Variants in ROBO2 observed in about 807,000 individuals in gnomAD.
ROBO2 encodes roundabout homolog 2.
Under a neutral mutation model 160.8 loss-of-function variants are expected in ROBO2, and 53 were observed. That is an observed-to-expected ratio of 0.33 (90% CI 0.26 to 0.41). The LOEUF is 0.41. Ranked by LOEUF, ROBO2 falls within the 10% of genes least tolerant of loss-of-function variation. ROBO2 has a pLI of 1.00. For missense variants in ROBO2, 1,577 were observed against 1,722.4 expected (o/e 0.92, Z 1.49); for synonymous variants, 664 against 611.7 (o/e 1.09, Z -1.26).
At chr3:76,328,607 T>C (rs887038562) in intron 2 of ROBO2, among the ~76,000 whole-genome samples, 9 of 149,000 alleles carry the variant, frequency 6.0e-5, no homozygotes, top group South Asian at 4.3e-4. Context: ...ACGCCTGTAA[T>C]CCCAGCACTT....
chr3:76,058,919 G>T (rs201071793), intron 2 of ROBO2, among the ~76,000 whole-genome samples: 1 of 149,688 alleles, frequency 6.7e-6, no homozygotes, highest in South Asian at 2.1e-4. Context: ...TTGTCTTTGC[G>T]ATAGTTTGCT....
At chr3:77,452,562 T>C (rs1309593143) in intron 2 of ROBO2, among the ~76,000 whole-genome samples, 1 of 152,014 alleles carries the variant, frequency 6.6e-6, no homozygotes, top group Non-Finnish European at 1.5e-5. Context: ...ATTCACAAAA[T>C]GGCAATATAA....
intron 2 of ROBO2, among the ~76,000 whole-genome samples, chr3:76,033,755 C>T (rs2067007539): frequency 6.6e-6 from 1 of 152,130 alleles, no homozygotes; most frequent in South Asian, 2.1e-4. Context: ...GCTAGTGGAA[C>T]CCATTGGCCT....
At chr3:77,181,882 C>T (rs1184785366) in intron 2 of ROBO2, among the ~76,000 whole-genome samples, 1 of 151,988 alleles carries the variant, frequency 6.6e-6, no homozygotes, top group East Asian at 1.9e-4. Context: ...TTCAGTCAGC[C>T]ATTACATAAG....
At chr3:77,031,661 TATATA>T (rs917635656) in intron 2 of ROBO2, among the ~76,000 whole-genome samples, 42 of 146,618 alleles carry the variant, frequency 2.9e-4, no homozygotes, top group East Asian at 1.6e-3. Flanking sequence ...AGACACATAA[TATATA>T]ATATATTAAA....
At chr3:77,594,776 A>G (rs1422878619) in intron 17 of ROBO2, among the ~76,000 whole-genome samples, 1 of 152,132 alleles carries the variant, frequency 6.6e-6, no homozygotes, top group East Asian at 1.9e-4. Context: ...TCTAATTAGG[A>G]CACCTTTGTT....
chr3:76,419,605 C>A (rs976030108), intron 2 of ROBO2, among the ~76,000 whole-genome samples: 3 of 151,990 alleles, frequency 2.0e-5, no homozygotes, highest in African/African-American at 7.2e-5. Flanking sequence ...AACTAGATTA[C>A]CCTGTGTTGC....
chr3:76,056,031 A>T (rs770086671), intron 2 of ROBO2, among the ~76,000 whole-genome samples: 1 of 152,212 alleles, frequency 6.6e-6, no homozygotes, highest in African/African-American at 2.4e-5. Context: ...CTGGTTTTGC[A>T]TCCATGGATT....
intron 2 of ROBO2, chr3:76,434,779 A>G: frequency 7.9e-7 from 1 of 1,265,650 alleles, no homozygotes. Context: ...CTGTTTGCGC[A>G]GATTAATCAG....
At chr3:76,075,009 T>A (rs890142307) in intron 2 of ROBO2, among the ~76,000 whole-genome samples, 1 of 152,168 alleles carries the variant, frequency 6.6e-6, no homozygotes, top group African/African-American at 2.4e-5. Context: ...CCATTAGGAA[T>A]GAATACGAAC....
At chr3:75,947,579 C>T (rs1267819003) in intron 2 of ROBO2, among the ~76,000 whole-genome samples, 1 of 152,094 alleles carries the variant, frequency 6.6e-6, no homozygotes, top group Non-Finnish European at 1.5e-5. Context: ...AGATGAAACC[C>T]TGTGGGGAGA....
At chr3:76,671,674 A>G (rs1182301966) in intron 2 of ROBO2, among the ~76,000 whole-genome samples, 2 of 152,190 alleles carry the variant, frequency 1.3e-5, no homozygotes, top group African/African-American at 4.8e-5. Flanking sequence ...TTATGAGAAT[A>G]TTAAAACATA....
At chr3:76,457,605 G>T (rs1272107665) in intron 2 of ROBO2, among the ~76,000 whole-genome samples, 4 of 152,188 alleles carry the variant, frequency 2.6e-5, no homozygotes, top group Non-Finnish European at 4.4e-5. Flanking sequence ...CCACTAGGCA[G>T]TGCCCCTGTA....
At chr3:77,098,405 T>A in intron 2 of ROBO2, 65 bp downstream of exon 2, 1 of 1,509,310 alleles carries the variant, frequency 6.6e-7, no homozygotes, top group Non-Finnish European at 9.2e-7. Context: ...AGTTTTGATG[T>A]GTTCCCATAG....
At chr3:77,428,900 T>G (rs2078490589) in intron 2 of ROBO2, among the ~76,000 whole-genome samples, 1 of 152,200 alleles carries the variant, frequency 6.6e-6, no homozygotes, top group Non-Finnish European at 1.5e-5. Flanking sequence ...ATGCATTTTC[T>G]GTCAAAACTC....
intron 2 of ROBO2, among the ~76,000 whole-genome samples, chr3:77,200,306 TATATATATATATATATTTTAG>T (rs2082760581): frequency 3.5e-5 from 3 of 84,532 alleles, no homozygotes; most frequent in African/African-American, 6.0e-5. Context: ...TATATATATA[TATATATATATATATATTTTAG>T]TTTCTATAGG....
intron 2 of ROBO2, among the ~76,000 whole-genome samples, chr3:77,420,745 G>C (rs542270995): frequency 1.4e-4 from 22 of 152,268 alleles, no homozygotes; most frequent in African/African-American, 5.3e-4. Context: ...AGACTCTGCT[G>C]ATTTGGAGAT....
At chr3:76,142,672 A>G (rs988002508) in intron 2 of ROBO2, among the ~76,000 whole-genome samples, 4 of 151,924 alleles carry the variant, frequency 2.6e-5, no homozygotes, top group Admixed American at 2.6e-4. Context: ...GGGAAGGGTA[A>G]TGGGGGGCTA....
intron 2 of ROBO2, among the ~76,000 whole-genome samples, chr3:77,154,987 C>A (rs2077874073): frequency 6.6e-6 from 1 of 151,846 alleles, no homozygotes; most frequent in Non-Finnish European, 1.5e-5. Flanking sequence ...ACTCAGTTAA[C>A]AAACCTGCAC....
Sources: gnomAD v4.1 joint callset for allele counts (sites outside exome capture counted in the v4.1 genomes callset) on GRCh38, gnomAD v4.1.1 for gene constraint, MANE v1.5 for transcripts, NCBI Gene and HGNC (gene_info 2026-07-23, HGNC 2026-07-21) for gene names.